The following FBN2 variants were observed in gnomAD, a reference collection of about 807,000 sequenced individuals.
FBN2 encodes fibrillin-2.
A neutral mutation model predicts 355.6 loss-of-function variants in FBN2; 105 were observed. That is an observed-to-expected ratio of 0.30 (90% CI 0.25 to 0.35). The LOEUF (loss-of-function observed/expected upper bound fraction) is 0.35, where lower values mean the gene tolerates loss of function less well. FBN2 is among the 10% of genes least tolerant of loss of function. FBN2 has a pLI of 1.00. For missense variants in FBN2, 3,280 were observed against 3,758.7 expected (o/e 0.87, Z 3.33); for synonymous variants, 1,350 against 1,301.2 (o/e 1.04, Z -0.81).
intron 23 of FBN2, among the ~76,000 whole-genome samples, chr5:128,346,787 A>G (rs1751193271): frequency 6.6e-6 from 1 of 152,186 alleles, no homozygotes; most frequent in Non-Finnish European, 1.5e-5. Context: ...AAAAATACAA[A>G]AATTAGCTGG....
chr5:128,261,570 T>A lies in FBN2; in HGVS notation c.8364+166A>T, dbSNP rs10077809. Among the ~76,000 whole-genome samples the A allele has an allele frequency of 0.079, 12,030 of 152,282 alleles. 634 individuals are homozygous for A. The highest frequency in any genetic ancestry group is 0.12 in the Non-Finnish European group (7,860 of 68,014). On this transcript the variant is annotated intron_variant, in intron 64 of 64. Coordinates refer to ENST00000262464, the MANE Select transcript of FBN2 (RefSeq NM_001999.4). ...AAGCTTTGTGTTTTGATCTAATAAT[T>A]CAATCACTTTAATTTACTTGTCTTT...
At chr5:128,305,974 T>A (rs770638729) in intron 42 of FBN2, 26 bp from the exon 43 acceptor site, 1 of 1,606,596 alleles carries the variant, frequency 6.2e-7, no homozygotes, top group East Asian at 2.2e-5. Flanking sequence ...TTTGGTCAAA[T>A]ATATGTTGTT....
At chr5:128,441,171 A>C (rs542504834) in intron 7 of FBN2, among the ~76,000 whole-genome samples, 1 of 152,178 alleles carries the variant, frequency 6.6e-6, no homozygotes, top group Non-Finnish European at 1.5e-5. Flanking sequence ...CACGCAGCTT[A>C]TAATCTCTAC....
At chr5:128,440,548 GCCCCCATGATCTAATC>G (rs1359755440) in intron 7 of FBN2, among the ~76,000 whole-genome samples, 1 of 152,088 alleles carries the variant, frequency 6.6e-6, no homozygotes, top group Non-Finnish European at 1.5e-5. Context: ...GAAGAAATCT[GCCCCCATGATCTAATC>G]ACCTCCCACA....
chr5:128,385,538 C>T (rs912557602), intron 11 of FBN2, among the ~76,000 whole-genome samples: 6 of 152,172 alleles, frequency 3.9e-5, no homozygotes, highest in South Asian at 2.1e-4. Context: ...TGTGTCTTTA[C>T]GGTAGAACAT....
chr5:128,295,096 C>A (rs1297822763), intron 48 of FBN2, among the ~76,000 whole-genome samples: 1 of 149,234 alleles, frequency 6.7e-6, no homozygotes, highest in Non-Finnish European at 1.5e-5. Context: ...ATAGGGAATC[C>A]TTTCCCCATT....
rs183898662 is a variant in FBN2 at position 128,471,876 on chromosome 5, G to A, written c.629-6955C>T. On this transcript the variant is annotated intron_variant, in intron 5 of 64. Coordinates refer to ENST00000262464, the MANE Select transcript of FBN2 (RefSeq NM_001999.4). The stretch of plus-strand genomic sequence containing the variant: ...GAGTTGAGTACTTTTTAAGGTGCAC[G>A]ACTGAAGTACCTAAGAAAGCACTTT... 1.4e-3 allele frequency among the ~76,000 whole-genome samples: 219 copies of A among 152,182 alleles called. 1 individual carries two copies. Among genetic ancestry groups the A allele is most frequent in the African/African-American group, 5.2e-3 (217 of 41,516 alleles).
chr5:128,432,234 A>AT (rs1439490459), intron 7 of FBN2, among the ~76,000 whole-genome samples: 2 of 152,136 alleles, frequency 1.3e-5, no homozygotes, highest in Non-Finnish European at 2.9e-5. Flanking sequence ...CACTGGTTGT[A>AT]TTTTTTCTTA....
At chr5:128,297,708 T>G (rs557891618) in intron 48 of FBN2, among the ~76,000 whole-genome samples, 33 of 152,288 alleles carry the variant, frequency 2.2e-4, no homozygotes. Flanking sequence ...CCTCCATCCT[T>G]TTATTTTGAG....
At chr5:128,440,999 G>T (rs1275713751) in intron 7 of FBN2, among the ~76,000 whole-genome samples, 1 of 152,136 alleles carries the variant, frequency 6.6e-6, no homozygotes, top group Non-Finnish European at 1.5e-5. Context: ...ATTTGGGTTG[G>T]AGCCAGTGAA....
chr5:128,526,281 C>T (rs1302100742), intron 4 of FBN2, among the ~76,000 whole-genome samples: 1 of 151,856 alleles, frequency 6.6e-6, no homozygotes. Flanking sequence ...TAGAGTGGAG[C>T]CCTTGTGCAC....
At chr5:128,456,695 T>C (rs1215328513) in intron 6 of FBN2, among the ~76,000 whole-genome samples, 1 of 151,976 alleles carries the variant, frequency 6.6e-6, no homozygotes, top group Non-Finnish European at 1.5e-5. Flanking sequence ...GCAGCAGCCC[T>C]ACAGAAGAAG....
intron 20 of FBN2, among the ~76,000 whole-genome samples, chr5:128,353,897 C>T (rs1180424751): frequency 6.6e-6 from 1 of 152,146 alleles, no homozygotes; most frequent in East Asian, 1.9e-4. Context: ...GGTGCTGTAT[C>T]AACACTTGAA....
intron 14 of FBN2, 45 bp from the exon 15 acceptor site, chr5:128,374,795 A>T: frequency 6.2e-7 from 1 of 1,611,774 alleles, no homozygotes. Context: ...GGGTAAATTT[A>T]ACGTTATTAC....
chr5:128,316,467 G>C (rs1453331589), intron 36 of FBN2, among the ~76,000 whole-genome samples: 1 of 152,136 alleles, frequency 6.6e-6, no homozygotes, highest in Non-Finnish European at 1.5e-5. Flanking sequence ...TTGGCACTAA[G>C]AATGAGTGAA....
intron 58 of FBN2, among the ~76,000 whole-genome samples, chr5:128,276,935 G>T (rs1765408555): frequency 1.3e-5 from 2 of 152,108 alleles, no homozygotes; most frequent in African/African-American, 2.4e-5. Flanking sequence ...TCCTTGAATT[G>T]TCCTCCTTGA....
At chr5:128,298,177 T>C (rs2126830301) in intron 48 of FBN2, among the ~76,000 whole-genome samples, 1 of 152,182 alleles carries the variant, frequency 6.6e-6, no homozygotes, top group African/African-American at 2.4e-5. Flanking sequence ...CACTCTCTTC[T>C]GGCTTGTAGA....
At chr5:128,368,843 A>AT (rs78265398) in intron 16 of FBN2, among the ~76,000 whole-genome samples, 12,685 of 139,136 alleles carry the variant, frequency 0.091, 1,502 homozygotes, top group African/African-American at 0.28. Context: ...GCTAATTAAG[A>AT]TTTTTTTTTT....
chr5:128,427,197 C>T (rs1255824622), intron 7 of FBN2, among the ~76,000 whole-genome samples: 2 of 152,090 alleles, frequency 1.3e-5, no homozygotes, highest in South Asian at 2.1e-4. Flanking sequence ...CCTGCCACTG[C>T]CCCACCAAGC....
Sources: allele counts gnomAD v4.1 joint callset (sites outside exome capture counted in the v4.1 genomes callset), GRCh38; gene constraint gnomAD v4.1.1; transcripts MANE v1.5; gene names NCBI Gene and HGNC (gene_info 2026-07-23, HGNC 2026-07-21).